The following CACNA1C variants were observed in gnomAD, a reference collection of about 807,000 sequenced individuals.
The protein encoded by CACNA1C is calcium voltage-gated channel subunit alpha1 C.
CACNA1C carries 30 observed loss-of-function variants against 229.0 expected under a neutral mutation model. The observed-to-expected ratio is 0.13, with a 90% CI of 0.10 to 0.18. The LOEUF (loss-of-function observed/expected upper bound fraction) is 0.18, where lower values mean the gene tolerates loss of function less well. CACNA1C is among the 10% of genes least tolerant of loss of function. The pLI, the probability that CACNA1C is intolerant of heterozygous loss-of-function variation, is 1.00. For synonymous variants in CACNA1C, 1,114 were observed against 1,132.5 expected, an observed-to-expected ratio of 0.98 and a Z score of 0.33; for missense variants, 1,658 against 2,845.0, an observed-to-expected ratio of 0.58 and a Z score of 9.49.
At chr12:2,626,002 G>A (rs946815165) in intron 29 of CACNA1C, among the ~76,000 whole-genome samples, 1 of 152,210 alleles carries the variant, frequency 6.6e-6, no homozygotes, top group Non-Finnish European at 1.5e-5. Context: ...AAGTACTCTG[G>A]TTATTCCCAT....
chr12:1,970,845 G>A (rs2154457630), upstream of CACNA1C: 1 of 288,528 alleles, frequency 3.5e-6, no homozygotes, highest in South Asian at 3.2e-5. Context: ...AATCAAGTAA[G>A]AAGGTGTTTT....
rs1359408859 is a variant in CACNA1C, at chr12:2,632,283, T to G, written c.3829-2014T>G. Among the ~76,000 whole-genome samples, 1 of 32,308 alleles carries G rather than the reference T, an allele frequency of 3.1e-5. No homozygotes were observed. The highest frequency in any genetic ancestry group is 2.1e-4 in the Admixed American group (1 of 4,758). The allele number at this position is 32,308 out of a possible 152,430, so 21.2% of individuals were successfully genotyped here. On this transcript the variant is annotated intron_variant, in intron 29 of 46. Coordinates refer to ENST00000399655, the MANE Select transcript of CACNA1C (RefSeq NM_000719.7). This position sits in a 1 kb window ranked among gnomAD's most constrained non-coding sequence, Gnocchi z 4.1. ...CACCCATGGGGAATATGACCGCCTG[T>G]AGCTGGGGGTGTATGGGGACTATGA...
intron 3 of CACNA1C, among the ~76,000 whole-genome samples, chr12:2,150,924 A>G (rs2095194591): frequency 6.6e-6 from 1 of 152,196 alleles, no homozygotes; most frequent in Admixed American, 6.5e-5. Flanking sequence ...GGTCAACGCC[A>G]CTTCTGGGCA....
chr12:2,584,592 G>A lies in CACNA1C; in HGVS notation c.2314G>A (p.Glu772Lys), dbSNP rs1361366772. The part of the protein sequence containing the change: ...LTSAQKEEEE[E>K]KERKKLARTA... Reference sequence around the variant, plus strand: ...ATCTGCCCAAAAGGAGGAGGAAGAGGAGAAGGAGAGAAAGAAGCTGGCCAG... The same window carrying A: ...ATCTGCCCAAAAGGAGGAGGAAGAGAAGAAGGAGAGAAAGAAGCTGGCCAG... Residue 772 changes from glutamate (E) to lysine (K), a missense_variant, in exon 16 of 47, where the codon GAG becomes AAG. Glu to Lys is a moderately conservative substitution (Grantham distance 56, BLOSUM62 1). Transcript: ENST00000399655. 16 of 1,613,208 alleles carry A rather than the reference G, an allele frequency of 9.9e-6. No homozygotes were observed. Among genetic ancestry groups the A allele is most frequent in the Non-Finnish European group, 1.2e-5 (14 of 1,179,384 alleles).
At chr12:2,317,487 G>A (rs768128907) in intron 3 of CACNA1C, among the ~76,000 whole-genome samples, 5 of 152,154 alleles carry the variant, frequency 3.3e-5, no homozygotes, top group Non-Finnish European at 5.9e-5. Flanking sequence ...GTTTTCAGGG[G>A]CTGAAGGGAG....
chr12:2,626,231 G>T (rs2086435228), intron 29 of CACNA1C, among the ~76,000 whole-genome samples: 1 of 152,240 alleles, frequency 6.6e-6, no homozygotes, highest in Non-Finnish European at 1.5e-5. Context: ...GCGTACCTGT[G>T]CTCTCTCCAG....
Position 2,503,746 on chromosome 12 carries a change from C to T in CACNA1C, c.1114-1096C>T, listed in dbSNP as rs56318465. ...CGTAGGGGTTTGTGACCTTTCAGGG[C>T]GTTCTCCACCATTCAGTAGTTACAG... is the stretch of plus-strand genomic sequence containing the variant. On this transcript the variant is annotated intron_variant, in intron 7 of 46. Coordinates refer to ENST00000399655, the MANE Select transcript of CACNA1C (RefSeq NM_000719.7). 4.8e-3 allele frequency among the ~76,000 whole-genome samples: 734 copies of T among 152,322 alleles called. 2 individuals are homozygous for T. Among genetic ancestry groups the T allele is most frequent in the South Asian group, 8.9e-3 (43 of 4,826 alleles).
chr12:2,171,706 A>G (rs1003882667), intron 3 of CACNA1C, among the ~76,000 whole-genome samples: 1 of 152,164 alleles, frequency 6.6e-6, no homozygotes, highest in African/African-American at 2.4e-5. Flanking sequence ...GCAGGAAGAG[A>G]GGGAAAAATG....
intron 1 of CACNA1C, among the ~76,000 whole-genome samples, chr12:2,042,705 A>G (rs1293907227): frequency 6.6e-6 from 1 of 152,164 alleles, no homozygotes; most frequent in East Asian, 1.9e-4. Context: ...AGACAGGAGA[A>G]GCGGCAGGTG....
At chr12:2,386,113 G>A (rs780032702) in intron 3 of CACNA1C, among the ~76,000 whole-genome samples, 3 of 152,262 alleles carry the variant, frequency 2.0e-5, no homozygotes, top group Non-Finnish European at 1.5e-5. Context: ...ATATAATGGT[G>A]TGCTACTACA....
chr12:2,229,351 C>T (rs953752773), intron 3 of CACNA1C, among the ~76,000 whole-genome samples: 3 of 152,128 alleles, frequency 2.0e-5, no homozygotes, highest in African/African-American at 7.2e-5. Flanking sequence ...ATATGCACAC[C>T]TAGGAATATA....
intron 9 of CACNA1C, among the ~76,000 whole-genome samples, chr12:2,542,728 G>A (rs2099874078): frequency 6.6e-6 from 1 of 152,166 alleles, no homozygotes; most frequent in Admixed American, 6.5e-5. Context: ...ACCAAAGCAG[G>A]TCGGGGGAGA....
rs1489606222 is a variant in CACNA1C, at chr12:2,602,193, C to T, written c.2960+233C>T. 1.3e-5 allele frequency among the ~76,000 whole-genome samples: 2 copies of T among 152,198 alleles called. No homozygotes were observed. The highest frequency in any genetic ancestry group is 4.8e-5 in the African/African-American group (2 of 41,456). On this transcript the variant is annotated intron_variant, in intron 22 of 46. Coordinates refer to ENST00000399655, the MANE Select transcript of CACNA1C (RefSeq NM_000719.7). The surrounding 1 kb of genome is among the most constrained non-coding windows in gnomAD (Gnocchi z 4.4). ...ATATGTTTAATTATCTGGGTTTTGC[C>T]ATGACAGGCAGGGCCAGGCTCAGCT...
chr12:2,415,848 C>A (rs1047294796), intron 3 of CACNA1C, among the ~76,000 whole-genome samples: 1 of 152,194 alleles, frequency 6.6e-6, no homozygotes, highest in Admixed American at 6.5e-5. Flanking sequence ...GTGTGGTCAA[C>A]CTGCCCTTTC....
intron 3 of CACNA1C, among the ~76,000 whole-genome samples, chr12:2,364,718 G>A (rs1264907139): frequency 6.6e-6 from 1 of 152,098 alleles, no homozygotes; most frequent in Non-Finnish European, 1.5e-5. Context: ...TTGGGGTGAG[G>A]AAATCATGGA....
At chr12:1,993,064 A>G in intron 1 of CACNA1C, 1 of 746,190 alleles carries the variant, frequency 1.3e-6, no homozygotes, top group Non-Finnish European at 2.3e-6. Flanking sequence ...CATCATATTT[A>G]TATTCACTTA....
intron 3 of CACNA1C, among the ~76,000 whole-genome samples, chr12:2,284,293 A>ATTT (rs35238168): frequency 0.051 from 7,086 of 139,758 alleles, 200 homozygotes; most frequent in African/African-American, 0.069. Context: ...AGACCTCTAG[A>ATTT]TTTTTTTTTT....
Position 2,090,310 on chromosome 12 carries a change from C to CTTTTTT in CACNA1C, c.50-24894_50-24889dup, listed in dbSNP as rs145675982. Among the ~76,000 whole-genome samples, 148 of 69,202 alleles carry CTTTTTT rather than the reference C, an allele frequency of 2.1e-3. 3 individuals carry two copies. The highest frequency in any genetic ancestry group is 2.4e-3 in the Non-Finnish European group (96 of 39,518). The allele number at this position is 69,202 out of a possible 152,430, so 45.4% of individuals were successfully genotyped here. A position where few individuals can be genotyped will look rare whatever the true frequency, so the allele number is the denominator to read the frequency against. ...AATAGTCCATTTTATGGATAGACTA[C>CTTTTTT]TTTTTTTTTTTTTTTTTTTTTTTTT... On this transcript the variant is annotated intron_variant, in intron 1 of 46. Coordinates refer to ENST00000399655, the MANE Select transcript of CACNA1C (RefSeq NM_000719.7).
At chr12:2,390,733 C>T (rs940788944) in intron 3 of CACNA1C, among the ~76,000 whole-genome samples, 3 of 151,990 alleles carry the variant, frequency 2.0e-5, no homozygotes, top group Non-Finnish European at 4.4e-5. Flanking sequence ...AACGAAGGCA[C>T]GGTGGGTAAA....
Sources: allele counts gnomAD v4.1 joint callset (sites outside exome capture counted in the v4.1 genomes callset), GRCh38; gene constraint gnomAD v4.1.1; non-coding constraint Gnocchi (gnomAD v3.1); transcripts MANE v1.5; gene names NCBI Gene and HGNC (gene_info 2026-07-23, HGNC 2026-07-21).